ZNF81: variants seen among roughly 807,000 people sequenced by gnomAD.
The protein encoded by ZNF81 is zinc finger protein 81 (HFZ20).
In ZNF81, 5 loss-of-function variants were observed where a neutral mutation model predicts 32.3. The ratio of observed to expected loss-of-function variants is 0.15; its 90% CI spans 0.08 to 0.33. ZNF81 has a LOEUF of 0.33. Among genes scored for constraint, ZNF81 ranks in the 10% least tolerant of loss-of-function variants. The pLI is 1.00. For missense variants in ZNF81, 379 were observed against 479.8 expected (o/e 0.79, Z 1.96); for synonymous variants, 163 against 166.8 (o/e 0.98, Z 0.17).
chrX:47,921,683 G>C lies in ZNF81; in HGVS notation c.*5051G>C, dbSNP rs1377828736. The C allele has an allele frequency of 4.5e-5, 5 of 111,145 alleles. No homozygotes were observed. The highest frequency in any genetic ancestry group is 3.8e-4 in the Admixed American group (4 of 10,405). The allele number at this position is 111,145 out of a possible 1,213,427, so 9.2% of individuals were successfully genotyped here. On this transcript the variant is annotated 3_prime_UTR_variant, in exon 5 of 5. Coordinates refer to ENST00000338637, the MANE Select transcript of ZNF81 (RefSeq NM_007137.5). Reference sequence around the variant, plus strand: ...CAAAAAGACTGTGGCTTCCATTTTGGGTGCTTGCTTACTCTCTCAGATGGC... The same window carrying C: ...CAAAAAGACTGTGGCTTCCATTTTGCGTGCTTGCTTACTCTCTCAGATGGC...
intron 4 of ZNF81, among the ~76,000 whole-genome samples, chrX:47,914,627 T>C (rs1432610993): frequency 3.6e-5 from 4 of 111,921 alleles, no homozygotes; most frequent in Admixed American, 2.8e-4. Flanking sequence ...TTATAAGTAC[T>C]GTATACTCTA....
At chrX:47,889,951 T>A (rs995147152) in intron 3 of ZNF81, among the ~76,000 whole-genome samples, 1 of 111,108 alleles carries the variant, frequency 9.0e-6, no homozygotes, top group Non-Finnish European at 1.9e-5. Flanking sequence ...CCAGGCCCCA[T>A]CTCCAACACT....
rs1031032353 is a variant in ZNF81 at position 47,923,229 on chromosome X, C to T, written c.*6597C>T. Among the ~76,000 whole-genome samples the T allele has an allele frequency of 2.7e-5, 3 of 111,331 alleles. No homozygotes were observed. The highest frequency in any genetic ancestry group is 5.7e-5 in the Non-Finnish European group (3 of 53,031). ...AATGGGTATTAGATACACCTCACTT[C>T]CTGAGCCCGCACAGGTCCCCCTACA... On this transcript the variant is annotated 3_prime_UTR_variant, in exon 5 of 5. Transcript: ENST00000338637.
intron 4 of ZNF81, among the ~76,000 whole-genome samples, chrX:47,905,516 A>T (rs1307881425): frequency 1.8e-5 from 2 of 110,064 alleles, no homozygotes; most frequent in Non-Finnish European, 3.8e-5. Flanking sequence ...AAGATTAAAA[A>T]TTGGCCTATC....
intron 1 of ZNF81, among the ~76,000 whole-genome samples, chrX:47,842,384 G>C (rs1340472102): frequency 2.7e-5 from 3 of 110,886 alleles, no homozygotes; most frequent in African/African-American, 9.9e-5. Context: ...TTGTTTTGGC[G>C]GGGGGAGTCT....
rs111994375 is a variant in ZNF81 at position 47,924,428 on chromosome X, A to T, written c.*7796A>T. On this transcript the variant is annotated 3_prime_UTR_variant, in exon 5 of 5. Coordinates refer to ENST00000338637, the MANE Select transcript of ZNF81 (RefSeq NM_007137.5). ...CTTTGGTCCTGATCTTTGTGTATTA[A>T]TTTTACCTGAGTTATAGTGAGCCAT... is the stretch of plus-strand genomic sequence containing the variant. 0.044 allele frequency among the ~76,000 whole-genome samples: 4,863 copies of T among 111,676 alleles called. 118 individuals carry two copies. Among genetic ancestry groups the T allele is most frequent in the Non-Finnish European group, 0.07 (3,695 of 53,019 alleles).
chrX:47,883,618 T>G (rs149930209), intron 2 of ZNF81, among the ~76,000 whole-genome samples: 1,550 of 112,539 alleles, frequency 0.014, 7 homozygotes, highest in Non-Finnish European at 0.022. Context: ...TCTTTAGTAA[T>G]TCCTTTCTTT....
chrX:47,853,239 C>T (rs2058502793), intron 2 of ZNF81, among the ~76,000 whole-genome samples: 1 of 105,528 alleles, frequency 9.5e-6, no homozygotes, highest in Non-Finnish European at 1.9e-5. Context: ...TGCAGTGGTG[C>T]GATCTCGGCT....
Position 47,915,936 on chromosome X carries a change from G to A in ZNF81, c.1290G>A (p.Arg430=). Reference sequence around the variant, plus strand: ...CCTTTACCCAAAAATCAACACTCAGGATGCATCAGAGAATTCATACAGGAG... The same window carrying A: ...CCTTTACCCAAAAATCAACACTCAGAATGCATCAGAGAATTCATACAGGAG... The part of the protein sequence containing the change: ...GKAFTQKSTL[R]MHQRIHTGER... The change falls in exon 5 of 5, where the codon AGG becomes AGA. Residue 430 remains arginine, a synonymous_variant. Coordinates refer to ENST00000338637, the MANE Select transcript of ZNF81 (RefSeq NM_007137.5). 8.3e-7 allele frequency: 1 copy of A among 1,209,899 alleles called. No homozygotes were observed. Among genetic ancestry groups the A allele is most frequent in the South Asian group, 1.8e-5 (1 of 56,837 alleles).
intron 2 of ZNF81, among the ~76,000 whole-genome samples, chrX:47,876,246 T>C (rs1377102330): frequency 2.7e-5 from 3 of 112,696 alleles, no homozygotes; most frequent in Non-Finnish European, 5.6e-5. Context: ...TTGAAGAGAA[T>C]ATAAATCTTC....
At position 47,916,774 on chromosome X, in the gene ZNF81, G is replaced by A; in HGVS notation, c.*142G>A. 6 of 626,614 alleles carry A rather than the reference G, an allele frequency of 9.6e-6. No homozygotes were observed. The highest frequency in any genetic ancestry group is 1.3e-5 in the Non-Finnish European group (6 of 446,942). The allele number at this position is 626,614 out of a possible 1,213,427, so 51.6% of individuals were successfully genotyped here. ...AGCATCAGGCTATCTCACTTGAGAT[G>A]GAAAAAAATTATTCAGAAGAAACTC... On this transcript the variant is annotated 3_prime_UTR_variant, in exon 5 of 5. Transcript: ENST00000338637.
intron 2 of ZNF81, among the ~76,000 whole-genome samples, chrX:47,857,460 G>A (rs1556882025): frequency 8.9e-6 from 1 of 112,146 alleles, no homozygotes; most frequent in African/African-American, 3.2e-5. Flanking sequence ...AACATCAAGA[G>A]GCACATTTCA....
intron 2 of ZNF81, among the ~76,000 whole-genome samples, chrX:47,878,700 A>G (rs1260901748): frequency 2.7e-5 from 3 of 112,688 alleles, no homozygotes; most frequent in South Asian, 3.6e-4. Context: ...AATTTAGTCA[A>G]CATATTCACT....
intron 4 of ZNF81, among the ~76,000 whole-genome samples, chrX:47,900,938 T>G (rs2058696090): frequency 9.0e-6 from 1 of 110,720 alleles, no homozygotes; most frequent in Admixed American, 9.7e-5. Context: ...TTCCCCTGAT[T>G]CCTCTCGCAA....
chrX:47,916,693 A>G lies in ZNF81; in HGVS notation c.*61A>G. On this transcript the variant is annotated 3_prime_UTR_variant, in exon 5 of 5. Coordinates refer to ENST00000338637, the MANE Select transcript of ZNF81 (RefSeq NM_007137.5). ...AGGCTGACAAAAGTCAGGTCTAACT[A>G]TATATTATAAAATTCATCCAAGACA... is the stretch of plus-strand genomic sequence containing the variant. The G allele has an allele frequency of 9.2e-7, 1 of 1,081,848 alleles. No individual in the cohort carries two copies. The highest frequency in any genetic ancestry group is 1.2e-6 in the Non-Finnish European group (1 of 814,927). 89.2% of individuals were successfully genotyped at this position (1,081,848 alleles called of 1,213,427 possible). A position where few individuals can be genotyped will look rare whatever the true frequency, so the allele number is the denominator to read the frequency against.
chrX:47,837,244 T>G (rs1360382157), intron 1 of ZNF81, among the ~76,000 whole-genome samples: 4 of 112,079 alleles, frequency 3.6e-5, no homozygotes, highest in African/African-American at 1.3e-4. Context: ...TGCAAAAGTT[T>G]ATCTCTGTAA....
chrX:47,908,726 G>T (rs1193072822), intron 4 of ZNF81, among the ~76,000 whole-genome samples: 1 of 112,060 alleles, frequency 8.9e-6, no homozygotes, highest in East Asian at 2.8e-4. Flanking sequence ...GCTGTTACAA[G>T]AACTTGGGCG....
rs782120231 is a variant in ZNF81, at chrX:47,846,364, C to T, written c.54+43C>T. On this transcript the variant is annotated intron_variant, in intron 2 of 4. Coordinates refer to ENST00000338637, the MANE Select transcript of ZNF81 (RefSeq NM_007137.5). ...GTGCCCAGGGATTGGAATTCATCCA[C>T]AGCCCTGAAGGAAAGATACTACCTC... 9.3e-6 allele frequency: 11 copies of T among 1,180,529 alleles called. No homozygotes were observed. The Admixed American group carries it at 2.5e-4, about 27-fold the overall frequency.
intron 4 of ZNF81, among the ~76,000 whole-genome samples, chrX:47,913,660 T>C (rs2058746589): frequency 8.9e-6 from 1 of 112,373 alleles, no homozygotes; most frequent in Non-Finnish European, 1.9e-5. Flanking sequence ...CTTAAATTTG[T>C]AGTTATCACC....
Sources: gnomAD v4.1 joint callset for allele counts (sites outside exome capture counted in the v4.1 genomes callset) on GRCh38, gnomAD v4.1.1 for gene constraint, MANE v1.5 for transcripts, NCBI Gene and HGNC (gene_info 2026-07-23, HGNC 2026-07-21) for gene names.